LOXHD1: variants seen among roughly 807,000 people sequenced by gnomAD.
LOXHD1 encodes the protein lipoxygenase homology domain-containing protein 1.
A neutral mutation model predicts 248.2 loss-of-function variants in LOXHD1; 205 were observed. That is an observed-to-expected ratio of 0.83 (90% CI 0.74 to 0.93). The LOEUF (loss-of-function observed/expected upper bound fraction) is 0.93, where lower values mean the gene tolerates loss of function less well. Ranked by LOEUF, LOXHD1 falls within the 40% of genes least tolerant of loss-of-function variation. LOXHD1 has a pLI of 0.00. For synonymous variants in LOXHD1, 1,113 were observed against 1,162.8 expected (o/e 0.96, Z 0.87); for missense variants, 2,930 against 2,971.6 (o/e 0.99, Z 0.33).
chr18:46,604,279 G>A (rs1444344594), intron 6 of LOXHD1, 50 bp from the exon 7 acceptor site: 14 of 1,547,108 alleles, frequency 9.0e-6, no homozygotes, highest in Non-Finnish European at 1.2e-5. Context: ...TGTTGAGGGT[G>A]CACCTGGAGA....
chr18:46,518,028 T>G (rs1460561931), intron 34 of LOXHD1, 101 bp downstream of exon 34: 5 of 1,423,282 alleles, frequency 3.5e-6, no homozygotes, highest in Non-Finnish European at 4.8e-6. Flanking sequence ...CCTCATGGTC[T>G]GCAGCGGGCA....
chr18:46,521,049 C>A (rs921860533), intron 33 of LOXHD1, 48 bp downstream of exon 33: 1 of 1,530,578 alleles, frequency 6.5e-7, no homozygotes, highest in Non-Finnish European at 8.8e-7. Context: ...CCCACCTCAA[C>A]CTGCACTGCC....
chr18:46,481,688 C>G (rs370180012), intron 40 of LOXHD1, among the ~76,000 whole-genome samples: 1 of 152,218 alleles, frequency 6.6e-6, no homozygotes, highest in East Asian at 1.9e-4. Context: ...CGCTCCAGCC[C>G]TGGTGACAAC....
intron 4 of LOXHD1, among the ~76,000 whole-genome samples, chr18:46,619,575 G>A (rs573310776): frequency 6.6e-6 from 1 of 152,190 alleles, no homozygotes; most frequent in South Asian, 2.1e-4. Flanking sequence ...GTCTCATTAA[G>A]TACGCTGGAA....
intron 34 of LOXHD1, among the ~76,000 whole-genome samples, chr18:46,514,323 A>T (rs2035132001): frequency 6.6e-6 from 1 of 152,130 alleles, no homozygotes; most frequent in African/African-American, 2.4e-5. Flanking sequence ...GGATGGCAGC[A>T]GTTCCTGGAA....
chr18:46,594,489 T>A (rs994832636), intron 8 of LOXHD1, 23 bp from the exon 9 acceptor site: 2 of 1,550,750 alleles, frequency 1.3e-6, no homozygotes, highest in Non-Finnish European at 1.7e-6. Context: ...GAGCACAGTG[T>A]CTCCGGCATT....
chr18:46,623,401 T>C (rs906513559), intron 4 of LOXHD1, among the ~76,000 whole-genome samples: 1 of 152,192 alleles, frequency 6.6e-6, no homozygotes, highest in Non-Finnish European at 1.5e-5. Context: ...CTGAAGAATA[T>C]ACAATGAGGG....
At chr18:46,570,346 G>GT (rs1275464139) in intron 15 of LOXHD1, among the ~76,000 whole-genome samples, 2 of 152,222 alleles carry the variant, frequency 1.3e-5, no homozygotes, top group Admixed American at 1.3e-4. Flanking sequence ...TTGTTCCTGG[G>GT]TGTGTGTCTT....
At chr18:46,533,376 C>T in intron 27 of LOXHD1, 52 bp from the exon 28 acceptor site, 1 of 1,540,938 alleles carries the variant, frequency 6.5e-7, no homozygotes, top group Middle Eastern at 1.8e-4. Context: ...AAGCTGCCAA[C>T]TTCAGGGATT....
chr18:46,610,732 C>G (rs1326773721), intron 6 of LOXHD1, 44 bp downstream of exon 6: 1 of 1,506,568 alleles, frequency 6.6e-7, no homozygotes, highest in Non-Finnish European at 8.9e-7. Flanking sequence ...AAGAAGGCCC[C>G]CCTTCCAAGG....
intron 21 of LOXHD1, 148 bp from the exon 22 acceptor site, chr18:46,547,206 G>T: frequency 1.1e-6 from 1 of 924,340 alleles, no homozygotes. Flanking sequence ...ATTCTACCCA[G>T]CCTGGGAATC....
intron 7 of LOXHD1, among the ~76,000 whole-genome samples, chr18:46,603,036 G>A (rs543885526): frequency 1.3e-5 from 2 of 152,062 alleles, no homozygotes; most frequent in African/African-American, 4.8e-5. Flanking sequence ...TGATCAGCCC[G>A]CAATGCTGAG....
rs1297725699 is a variant in LOXHD1 at position 46,560,217 on chromosome 18, T to C, written c.2927A>G (p.Glu976Gly). 2 of 1,551,714 alleles carry C rather than the reference T, an allele frequency of 1.3e-6. No homozygotes were observed. The highest frequency in any genetic ancestry group is 1.7e-6 in the Non-Finnish European group (2 of 1,146,924). Residue 976 changes from glutamate (E) to glycine (G), a missense_variant, in exon 19 of 41, where the codon GAG (glutamate) becomes GGG (glycine). By Grantham distance (98) the Glu-to-Gly change is moderately conservative. Transcript: ENST00000642948. ...CTGCATCCCCGGCCCAAACTCCTCC[T>C]CTTCCTCCTCTTCTTCCATCTCCTC... ...EEEEMEEEEE[E>G]EEFGPGMQEV...
chr18:46,564,145 C>A (rs576734695), intron 17 of LOXHD1, among the ~76,000 whole-genome samples: 1 of 151,946 alleles, frequency 6.6e-6, no homozygotes, highest in South Asian at 2.1e-4. Flanking sequence ...CATGAGGGCC[C>A]ATACAAGTGC....
In LOXHD1 at chr18:46,477,317, G is replaced by T. The variant is rs2032081558; in HGVS notation, c.*155C>A. 1 of 950,102 alleles carries T rather than the reference G, an allele frequency of 1.1e-6. No individual in the cohort carries two copies. The highest frequency in any genetic ancestry group is 2.0e-5 in the Admixed American group (1 of 50,240). The allele number at this position is 950,102 out of a possible 1,614,324, so 58.9% of individuals were successfully genotyped here. On this transcript the variant is annotated 3_prime_UTR_variant, in exon 41 of 41. Coordinates refer to ENST00000642948, the MANE Select transcript of LOXHD1 (RefSeq NM_001384474.1). ...TTATCACTGTAGGTTCAATAAACTG[G>T]GGGTAGGGTGGGGAGCAGGACCCCA...
At chr18:46,539,111 C>G (rs2036445971) in intron 25 of LOXHD1, among the ~76,000 whole-genome samples, 2 of 152,196 alleles carry the variant, frequency 1.3e-5, no homozygotes, top group South Asian at 4.1e-4. Context: ...CAGTATGTCT[C>G]TATGCATGGG....
intron 1 of LOXHD1, among the ~76,000 whole-genome samples, chr18:46,650,141 C>T (rs1273821339): frequency 6.6e-6 from 1 of 152,146 alleles, no homozygotes; most frequent in Non-Finnish European, 1.5e-5. Flanking sequence ...CCACCATCAC[C>T]TCCCTGTCCT....
intron 6 of LOXHD1, among the ~76,000 whole-genome samples, 189 bp from the exon 7 acceptor site, chr18:46,604,418 AGG>A (rs1471842290): frequency 6.6e-6 from 1 of 152,258 alleles, no homozygotes; most frequent in Non-Finnish European, 1.5e-5. Flanking sequence ...AGAATCATAC[AGG>A]GATGACTGGC....
chr18:46,616,231 G>A (rs991863699), intron 5 of LOXHD1, among the ~76,000 whole-genome samples: 5 of 151,650 alleles, frequency 3.3e-5, no homozygotes, highest in African/African-American at 4.8e-5. Context: ...TCCTTCCTTC[G>A]ATTGGATTGA....
Sources: allele counts gnomAD v4.1 joint callset (sites outside exome capture counted in the v4.1 genomes callset), GRCh38; gene constraint gnomAD v4.1.1; transcripts MANE v1.5; gene names NCBI Gene and HGNC (gene_info 2026-07-23, HGNC 2026-07-21).